ZNF90: variants seen among roughly 807,000 people sequenced by gnomAD.
The protein encoded by ZNF90 is zinc finger protein HTF9.
ZNF90 carries 11 observed loss-of-function variants against 12.0 expected under a neutral mutation model. The observed-to-expected ratio is 0.92, with a 90% CI of 0.58 to 1.52. The LOEUF (loss-of-function observed/expected upper bound fraction) is 1.52, where lower values mean the gene tolerates loss of function less well. ZNF90 is among the 40% of genes most tolerant of loss of function. ZNF90 has a pLI of 0.00. For synonymous variants in ZNF90, 232 were observed against 240.1 expected, an observed-to-expected ratio of 0.97 and a Z score of 0.31; for missense variants, 765 against 711.5, an observed-to-expected ratio of 1.08 and a Z score of -0.86.
At chr19:20,078,205 C>G in intron 1 of ZNF90, 70 bp downstream of exon 1, 1 of 1,599,696 alleles carries the variant, frequency 6.3e-7, no homozygotes, top group South Asian at 1.1e-5. Context: ...GTGGCTGTGG[C>G]GGGACTTAGG....
chr19:20,113,188 CT>C (rs1277788253), intron 3 of ZNF90, among the ~76,000 whole-genome samples: 107 of 146,862 alleles, frequency 7.3e-4, no homozygotes, highest in African/African-American at 2.1e-3. Flanking sequence ...ATTTTTTTTT[CT>C]TTTTTTTTTC....
At chr19:20,079,934 CCT>C (rs1458412916) in intron 1 of ZNF90, 4 of 403,006 alleles carry the variant, frequency 9.9e-6, no homozygotes, top group Non-Finnish European at 1.9e-5. Flanking sequence ...CATCGTATTT[CCT>C]CTTTTTTTTT....
chr19:20,093,464 C>T lies in ZNF90; in HGVS notation c.4-10775C>T, dbSNP rs112269794. The stretch of plus-strand genomic sequence containing the variant: ...AGTAGAGATGTCCCATACTTGTGGG[C>T]TAAGGTGGGGGGATATGAGAGGAAG... On this transcript the variant is annotated intron_variant, in intron 1 of 3. Transcript: ENST00000418063. Among the ~76,000 whole-genome samples the T allele has an allele frequency of 4.2e-3, 636 of 151,862 alleles. 6 individuals are homozygous for T. The highest frequency in any genetic ancestry group is 0.015 in the African/African-American group (608 of 41,412).
rs546823908 is a variant in ZNF90, at chr19:20,079,917, T to C, written c.3+1782T>C. 2.7e-4 allele frequency: 114 copies of C among 421,794 alleles called. 1 individual carries two copies. Among genetic ancestry groups the C allele is most frequent in the South Asian group, 2.1e-3 (114 of 54,940 alleles). 26.1% of individuals were successfully genotyped at this position (421,794 alleles called of 1,614,324 possible). ...GAGACTGCTGATTTTGGCATTCTTT[T>C]TCCTTTCATCGTATTTCCTCTTTTT... On this transcript the variant is annotated intron_variant, in intron 1 of 3. Transcript: ENST00000418063.
At chr19:20,102,949 A>G (rs2089001514) in intron 1 of ZNF90, among the ~76,000 whole-genome samples, 1 of 152,240 alleles carries the variant, frequency 6.6e-6, no homozygotes, top group African/African-American at 2.4e-5. Flanking sequence ...TGAAGTTTGT[A>G]TAAAACATGT....
chr19:20,117,042 T>TGA (rs1287501491), intron 3 of ZNF90, among the ~76,000 whole-genome samples: 3 of 146,916 alleles, frequency 2.0e-5, no homozygotes, highest in Admixed American at 2.0e-4. Flanking sequence ...TGTGTGTGTG[T>TGA]GTGTGAGAGA....
At chr19:20,112,806 G>T (rs1237613226) in intron 3 of ZNF90, among the ~76,000 whole-genome samples, 4 of 151,754 alleles carry the variant, frequency 2.6e-5, no homozygotes, top group Non-Finnish European at 5.9e-5. Flanking sequence ...TAATCTTCAA[G>T]TACTTCTGTA....
intron 2 of ZNF90, 50 bp downstream of exon 2, chr19:20,104,415 TTA>T (rs1209211402): frequency 1.4e-5 from 22 of 1,531,444 alleles, no homozygotes; most frequent in Non-Finnish European, 1.8e-5. Flanking sequence ...AAGGTTGTTT[TTA>T]TGTTTTTTTG....
chr19:20,083,149 TGGTGCC>T (rs200452036), intron 1 of ZNF90, among the ~76,000 whole-genome samples: 2,359 of 152,194 alleles, frequency 0.015, 25 homozygotes, highest in Non-Finnish European at 0.025. Context: ...ACTCAGAGAC[TGGTGCC>T]GGTGCCGGTC....
intron 1 of ZNF90, among the ~76,000 whole-genome samples, chr19:20,084,533 G>T (rs1015757393): frequency 6.6e-6 from 1 of 152,098 alleles, no homozygotes; most frequent in Non-Finnish European, 1.5e-5. Flanking sequence ...GTCAAATGAG[G>T]ATTCTGTTTT....
At chr19:20,110,504 G>A (rs75380550) in intron 3 of ZNF90, among the ~76,000 whole-genome samples, 5,056 of 152,164 alleles carry the variant, frequency 0.033, 280 homozygotes, top group East Asian at 0.23. Flanking sequence ...GACGTCAGGT[G>A]ATCTGCCCCC....
At chr19:20,110,440 A>G (rs782556574) in intron 3 of ZNF90, among the ~76,000 whole-genome samples, 32 of 151,898 alleles carry the variant, frequency 2.1e-4, no homozygotes, top group Admixed American at 5.2e-4. Flanking sequence ...TACCATGCCT[A>G]GCTGATTTTT....
At chr19:20,117,368 CT>C (rs1218881506) in intron 3 of ZNF90, among the ~76,000 whole-genome samples, 5 of 148,092 alleles carry the variant, frequency 3.4e-5, no homozygotes, top group Admixed American at 1.3e-4. Context: ...CGTTTCTTTT[CT>C]TTTTTTTCCT....
chr19:20,096,242 G>T (rs1254624186), intron 1 of ZNF90, among the ~76,000 whole-genome samples: 2 of 152,166 alleles, frequency 1.3e-5, no homozygotes, highest in African/African-American at 4.8e-5. Flanking sequence ...AGGACCTGAG[G>T]TCATAGGTGA....
Position 20,118,652 on chromosome 19 carries a change from GAA to G in ZNF90, c.1100_1101del (p.Lys367ThrfsTer5). The G allele has an allele frequency of 6.4e-7, 1 of 1,568,502 alleles. No homozygotes were observed. The highest frequency in any genetic ancestry group is 1.2e-5 in the South Asian group (1 of 85,238). Reference protein sequence around the residue: ...RTHKRIHTGEKPYKCDKCGKA... With the variant: ...RTHKRIHTGEXPYKCDKCGKA... ...CACATAAGAGAATTCATACTGGAGA[GAA>G]ACCCTACAAGTGTGATAAATGTGGC... is the stretch of plus-strand genomic sequence containing the variant. On this transcript the variant is annotated frameshift_variant, in exon 4 of 4. Coordinates refer to ENST00000418063, the MANE Select transcript of ZNF90 (RefSeq NM_007138.2). LOFTEE classifies it low-confidence loss of function (END_TRUNC).
intron 1 of ZNF90, among the ~76,000 whole-genome samples, chr19:20,081,361 G>A (rs1340177297): frequency 6.6e-6 from 1 of 151,998 alleles, no homozygotes; most frequent in Non-Finnish European, 1.5e-5. Context: ...GCTAATTTTT[G>A]TATTTTTAGT....
At chr19:20,078,197 G>T (rs1305860383) in intron 1 of ZNF90, 62 bp downstream of exon 1, 2 of 1,608,694 alleles carry the variant, frequency 1.2e-6, no homozygotes, top group African/African-American at 1.3e-5. Flanking sequence ...GATGGGAAGT[G>T]GCTGTGGCGG....
At chr19:20,108,810 T>C in intron 3 of ZNF90, among the ~76,000 whole-genome samples, 1 of 144,386 alleles carries the variant, frequency 6.9e-6, no homozygotes, top group Non-Finnish European at 1.5e-5. Context: ...CAGCACAATC[T>C]CTGCCTTCTG....
intron 3 of ZNF90, among the ~76,000 whole-genome samples, chr19:20,110,347 T>TG (rs1377384670): frequency 5.3e-5 from 8 of 152,152 alleles, no homozygotes; most frequent in African/African-American, 1.9e-4. Context: ...GGTGTGATCT[T>TG]GGCTCACTGC....
Sources: gnomAD v4.1 joint callset for allele counts (sites outside exome capture counted in the v4.1 genomes callset) on GRCh38, gnomAD v4.1.1 for gene constraint, MANE v1.5 for transcripts, NCBI Gene and HGNC (gene_info 2026-07-23, HGNC 2026-07-21) for gene names.